The following DAB1 variants were observed in gnomAD, a reference collection of about 807,000 sequenced individuals.
DAB1 encodes the protein disabled homolog 1.
DAB1 carries 15 observed loss-of-function variants against 64.6 expected under a neutral mutation model. That is an observed-to-expected ratio of 0.23 (90% CI 0.16 to 0.36). The LOEUF (loss-of-function observed/expected upper bound fraction) is 0.36. Among genes scored for constraint, DAB1 ranks in the 10% least tolerant of loss-of-function variants. The pLI is 1.00. For missense variants in DAB1, 596 were observed against 706.7 expected, an observed-to-expected ratio of 0.84 and a Z score of 1.78; for synonymous variants, 235 against 251.9, an observed-to-expected ratio of 0.93 and a Z score of 0.64.
At chr1:58,535,755 G>A (rs1646506850) in intron 1 of DAB1, among the ~76,000 whole-genome samples, 1 of 151,974 alleles carries the variant, frequency 6.6e-6, no homozygotes, top group African/African-American at 2.4e-5. Context: ...AACTCACTAG[G>A]GTACAAAATG....
chr1:57,980,733 T>C (rs1646044578), intron 5 of DAB1, among the ~76,000 whole-genome samples: 1 of 152,174 alleles, frequency 6.6e-6, no homozygotes, highest in Non-Finnish European at 1.5e-5. Context: ...CAGTTTTATA[T>C]GTTGCTGGCA....
At chr1:57,369,069 C>T (rs566087698) in intron 1 of DAB1, among the ~76,000 whole-genome samples, 26 of 152,198 alleles carry the variant, frequency 1.7e-4, no homozygotes, top group Admixed American at 3.9e-4. Context: ...ATCAAGGAGA[C>T]AGGCAATAGT....
chr1:57,416,043 G>A (rs1260259938), intron 1 of DAB1, among the ~76,000 whole-genome samples: 2 of 152,144 alleles, frequency 1.3e-5, no homozygotes, highest in Non-Finnish European at 2.9e-5. Flanking sequence ...ACACAGCCAT[G>A]ATTTTGTACC....
At chr1:57,490,370 A>G (rs1644146603) in intron 7 of DAB1, among the ~76,000 whole-genome samples, 1 of 152,134 alleles carries the variant, frequency 6.6e-6, no homozygotes, top group Admixed American at 6.6e-5. Flanking sequence ...TTGATTCAGT[A>G]CTCACTTTAT....
intron 6 of DAB1, among the ~76,000 whole-genome samples, chr1:57,664,058 C>G (rs1646418548): frequency 1.3e-5 from 2 of 152,136 alleles, no homozygotes; most frequent in African/African-American, 4.8e-5. Flanking sequence ...TGACCTAGGA[C>G]AAACCCTCAA....
intron 1 of DAB1, chr1:57,880,789 A>G (rs1644132146): frequency 6.6e-6 from 1 of 152,250 alleles, no homozygotes; most frequent in African/African-American, 2.4e-5. Context: ...TTAAAAGAAT[A>G]TGTTTGCAAA....
At chr1:57,262,349 A>C (rs1349207949) in intron 2 of DAB1, among the ~76,000 whole-genome samples, 2 of 152,200 alleles carry the variant, frequency 1.3e-5, no homozygotes, top group Non-Finnish European at 2.9e-5. Context: ...GTCAAAGAAG[A>C]GTTTGGCATC....
chr1:57,955,941 T>C (rs1202906136), intron 5 of DAB1, among the ~76,000 whole-genome samples: 1 of 152,156 alleles, frequency 6.6e-6, no homozygotes, highest in Non-Finnish European at 1.5e-5. Context: ...GGTAGTAAAA[T>C]GCCAAGAAGA....
chr1:58,376,353 T>C (rs34893155), intron 3 of DAB1, among the ~76,000 whole-genome samples: 9,318 of 119,136 alleles, frequency 0.078, 299 homozygotes, highest in Middle Eastern at 0.15. Context: ...GCTTTGAATG[T>C]GTCCCAGAGA....
intron 3 of DAB1, among the ~76,000 whole-genome samples, chr1:57,137,615 C>A (rs1471476157): frequency 6.6e-6 from 1 of 152,198 alleles, no homozygotes; most frequent in Non-Finnish European, 1.5e-5. Context: ...GCATTAGGGA[C>A]CTTGAGACTT....
At chr1:57,529,909 A>G (rs1347105650) in intron 7 of DAB1, among the ~76,000 whole-genome samples, 3 of 152,108 alleles carry the variant, frequency 2.0e-5, no homozygotes, top group African/African-American at 7.2e-5. Flanking sequence ...TGGGAAACAG[A>G]TAAGCATCTA....
At chr1:58,444,153 C>T (rs765945090) in intron 3 of DAB1, among the ~76,000 whole-genome samples, 26 of 152,158 alleles carry the variant, frequency 1.7e-4, no homozygotes, top group Non-Finnish European at 3.2e-4. Flanking sequence ...CTCTGGAATT[C>T]GGCTCTCCAC....
intron 7 of DAB1, among the ~76,000 whole-genome samples, chr1:57,581,840 C>G (rs986354985): frequency 6.6e-6 from 1 of 151,998 alleles, no homozygotes; most frequent in African/African-American, 2.4e-5. Flanking sequence ...GCTGCTTTTG[C>G]TAAGTTTCTG....
At position 57,798,836 on chromosome 1, in the gene DAB1, T is replaced by C. The variant is rs75857396; in HGVS notation, n.551+85163A>G. Among the ~76,000 whole-genome samples, 596 of 152,336 alleles carry C rather than the reference T, an allele frequency of 3.9e-3. 5 individuals are homozygous for C. Among genetic ancestry groups the C allele is most frequent in the African/African-American group, 0.014 (564 of 41,578 alleles). ...GTATCTTGTGTTCCTTCTGTTATCA[T>C]TGAGTTTGACAGAAAGGGGAAATTT... On this transcript the variant is annotated intron_variant and non_coding_transcript_variant, in intron 6 of 20. Coordinates refer to the DAB1 transcript ENST00000485760.
chr1:58,078,087 A>G (rs1649765262), intron 5 of DAB1: 1 of 152,298 alleles, frequency 6.6e-6, no homozygotes, highest in Non-Finnish European at 1.5e-5. Flanking sequence ...AGACAACAGG[A>G]AACACCACTC....
intron 7 of DAB1, among the ~76,000 whole-genome samples, chr1:57,465,258 C>T (rs954605001): frequency 7.2e-5 from 11 of 152,188 alleles, no homozygotes; most frequent in Non-Finnish European, 1.3e-4. Flanking sequence ...AACAAGAGTT[C>T]ATGGCTGGGG....
chr1:57,453,302 C>CA (rs1351018177), intron 7 of DAB1, among the ~76,000 whole-genome samples: 3 of 152,140 alleles, frequency 2.0e-5, no homozygotes, highest in Admixed American at 6.5e-5. Flanking sequence ...ACCATATATG[C>CA]AATTTCTGTA....
At chr1:57,467,021 G>A (rs912569447) in intron 7 of DAB1, among the ~76,000 whole-genome samples, 31 of 152,150 alleles carry the variant, frequency 2.0e-4, no homozygotes, top group African/African-American at 6.5e-4. Flanking sequence ...TCACAAGAGC[G>A]ATAGCTTATC....
At chr1:57,796,770 G>T (rs540915986) in intron 6 of DAB1, among the ~76,000 whole-genome samples, 2 of 152,162 alleles carry the variant, frequency 1.3e-5, no homozygotes, top group South Asian at 4.1e-4. Flanking sequence ...TCCTCTCCCT[G>T]TGGCTGGAAT....
Sources: gnomAD v4.1 joint callset for allele counts (sites outside exome capture counted in the v4.1 genomes callset) on GRCh38, gnomAD v4.1.1 for gene constraint, MANE v1.5 for transcripts, NCBI Gene and HGNC (gene_info 2026-07-23, HGNC 2026-07-21) for gene names.